Variants in C8orf34 observed in about 807,000 individuals in gnomAD.
C8orf34 encodes the protein chromosome 8 open reading frame 34.
In C8orf34, 65 loss-of-function variants were observed where a neutral mutation model predicts 68.3. The observed-to-expected ratio is 0.95, with a 90% CI of 0.78 to 1.17. The LOEUF (loss-of-function observed/expected upper bound fraction) is 1.17. Among genes scored for constraint, C8orf34 ranks in the 50% most tolerant of loss-of-function variants. The pLI, the probability that C8orf34 is intolerant of heterozygous loss-of-function variation, is 0.00. For synonymous variants in C8orf34, 244 were observed against 241.2 expected, an observed-to-expected ratio of 1.01 and a Z score of -0.11; for missense variants, 664 against 655.4, an observed-to-expected ratio of 1.01 and a Z score of -0.14.
intron 7 of C8orf34, among the ~76,000 whole-genome samples, chr8:68,638,312 T>C (rs942763814): frequency 7.0e-6 from 1 of 142,420 alleles, no homozygotes; most frequent in African/African-American, 2.6e-5. Flanking sequence ...TAGAACTTTT[T>C]TTTTTCTTTT....
chr8:68,788,644 A>G (rs1288707239), intron 12 of C8orf34, among the ~76,000 whole-genome samples: 1 of 152,206 alleles, frequency 6.6e-6, no homozygotes, highest in Non-Finnish European at 1.5e-5. Context: ...GCAGATCACC[A>G]GGTCAAGAGA....
intron 8 of C8orf34, among the ~76,000 whole-genome samples, chr8:68,702,509 A>G (rs1197475481): frequency 2.0e-5 from 3 of 152,156 alleles, no homozygotes; most frequent in Non-Finnish European, 4.4e-5. Flanking sequence ...AACATTTGAC[A>G]AATGTCTACT....
chr8:68,675,700 T>C (rs571402289), intron 8 of C8orf34, among the ~76,000 whole-genome samples: 1 of 151,400 alleles, frequency 6.6e-6, no homozygotes, highest in Non-Finnish European at 1.5e-5. Flanking sequence ...ACCCACAAAA[T>C]AACTAGAAAA....
At chr8:68,484,225 C>G (rs561714699) in intron 4 of C8orf34, among the ~76,000 whole-genome samples, 1 of 152,330 alleles carries the variant, frequency 6.6e-6, no homozygotes, top group Admixed American at 6.5e-5. Context: ...CATTTGAGAA[C>G]TCACTCACTA....
intron 10 of C8orf34, among the ~76,000 whole-genome samples, chr8:68,774,354 A>ATATATATATATATAT (rs1344573894): frequency 5.4e-5 from 6 of 111,274 alleles, no homozygotes; most frequent in African/African-American, 3.4e-4. Flanking sequence ...TATATAAAAT[A>ATATATATATATATAT]AACAAAAAAA....
At position 68,461,164 on chromosome 8, in the gene C8orf34, T is replaced by C. The variant is rs1009311848; in HGVS notation, c.608-7528T>C. Among the ~76,000 whole-genome samples the C allele has an allele frequency of 3.9e-5, 6 of 152,234 alleles. No individual in the cohort carries two copies. The East Asian group carries it at 1.2e-3, about 29-fold the overall frequency. On this transcript the variant is annotated intron_variant, in intron 3 of 13. Transcript: ENST00000518698. ...AGAATGCAGAAGCCTCAGGAGCCAA[T>C]GCGATCAACTGGAAGAAAGCGTATC...
chr8:68,485,266 G>A (rs548520417), intron 4 of C8orf34, among the ~76,000 whole-genome samples: 1 of 152,218 alleles, frequency 6.6e-6, no homozygotes, highest in South Asian at 2.1e-4. Flanking sequence ...CTTCTTTCTG[G>A]AACAGTGATA....
At chr8:68,483,145 C>T (rs1231983192) in intron 4 of C8orf34, among the ~76,000 whole-genome samples, 2 of 152,196 alleles carry the variant, frequency 1.3e-5, no homozygotes, top group African/African-American at 4.8e-5. Context: ...AACTCTGTGG[C>T]TGAGCAGATG....
Position 68,373,480 on chromosome 8 carries a change from C to T in C8orf34, c.327+42141C>T, listed in dbSNP as rs74505811. Among the ~76,000 whole-genome samples the T allele has an allele frequency of 2.0e-3, 306 of 152,244 alleles. 2 individuals carry two copies. Among genetic ancestry groups the T allele is most frequent in the African/African-American group, 7.0e-3 (292 of 41,536 alleles). On this transcript the variant is annotated intron_variant, in intron 1 of 13. Coordinates refer to ENST00000518698, the MANE Select transcript of C8orf34 (RefSeq NM_052958.4). ...AAATGATGATTGAACCGGTTTGTCC[C>T]CCTTAACCAACAAGCCCTGTGCAGA...
intron 8 of C8orf34, among the ~76,000 whole-genome samples, chr8:68,682,186 A>G (rs987772964): frequency 1.3e-5 from 2 of 152,178 alleles, no homozygotes; most frequent in Admixed American, 1.3e-4. Context: ...TTTGTTGTAC[A>G]TTTAAAAATA....
At chr8:68,711,046 G>A (rs1420876206) in intron 9 of C8orf34, among the ~76,000 whole-genome samples, 82 of 152,114 alleles carry the variant, frequency 5.4e-4, no homozygotes, top group Non-Finnish European at 2.4e-4. Context: ...TCCACTGGAT[G>A]GCTAGAACCA....
chr8:68,384,129 T>G (rs963471688), intron 1 of C8orf34, among the ~76,000 whole-genome samples: 3 of 152,186 alleles, frequency 2.0e-5, no homozygotes, highest in African/African-American at 7.2e-5. Context: ...GAGGTGAAAA[T>G]TTGGCTCTTT....
Position 68,388,010 on chromosome 8 carries a change from G to T in C8orf34, c.328-51489G>T, listed in dbSNP as rs1808329861. ...ATTAGCACTGAGTGTGCATTTCATG[G>T]TAGTTGTGTTACAGTGGTTCTTGAT... On this transcript the variant is annotated intron_variant, in intron 1 of 13. Coordinates refer to ENST00000518698, the MANE Select transcript of C8orf34 (RefSeq NM_052958.4). Among the ~76,000 whole-genome samples the T allele has an allele frequency of 2.0e-5, 3 of 152,230 alleles. No homozygotes were observed. The South Asian group carries it at 6.2e-4, about 32-fold the overall frequency.
chr8:68,790,960 T>C (rs922403350), intron 12 of C8orf34: 3 of 638,238 alleles, frequency 4.7e-6, no homozygotes, highest in African/African-American at 1.8e-5. Context: ...AGCTTCATAG[T>C]ATTGTTAAAC....
intron 2 of C8orf34, among the ~76,000 whole-genome samples, chr8:68,440,476 G>A (rs1394238207): frequency 1.3e-5 from 2 of 152,194 alleles, no homozygotes; most frequent in African/African-American, 2.4e-5. Flanking sequence ...ACTAAAGTGT[G>A]TAGAGAGTAG....
intron 10 of C8orf34, among the ~76,000 whole-genome samples, chr8:68,738,009 T>C (rs1822170438): frequency 6.6e-6 from 1 of 152,106 alleles, no homozygotes; most frequent in African/African-American, 2.4e-5. Context: ...ACTTTAACAT[T>C]GATCACATAA....
intron 5 of C8orf34, among the ~76,000 whole-genome samples, chr8:68,512,419 T>C (rs1043784214): frequency 5.9e-5 from 9 of 152,172 alleles, no homozygotes; most frequent in African/African-American, 2.2e-4. Flanking sequence ...CTTTGAACCA[T>C]TCAAAAAGCC....
intron 1 of C8orf34, among the ~76,000 whole-genome samples, chr8:68,397,644 C>T (rs1048498207): frequency 6.6e-6 from 1 of 152,124 alleles, no homozygotes; most frequent in African/African-American, 2.4e-5. Context: ...TTGACTATAT[C>T]CTTGTGCATT....
intron 7 of C8orf34, chr8:68,533,638 G>A (rs1815343756): frequency 2.0e-6 from 2 of 983,760 alleles, no homozygotes; most frequent in Admixed American, 6.2e-5. Context: ...TGACGGGAAA[G>A]TTTGCAGAGA....
Sources: allele counts gnomAD v4.1 joint callset (sites outside exome capture counted in the v4.1 genomes callset), GRCh38; gene constraint gnomAD v4.1.1; transcripts MANE v1.5; gene names NCBI Gene and HGNC (gene_info 2026-07-23, HGNC 2026-07-21).